The following RNGTT variants were observed in gnomAD, a reference collection of about 807,000 sequenced individuals.
RNGTT encodes the protein mRNA-capping enzyme.
Under a neutral mutation model 79.3 loss-of-function variants are expected in RNGTT, and 33 were observed. The ratio of observed to expected loss-of-function variants is 0.42; its 90% CI spans 0.32 to 0.56. RNGTT has a LOEUF of 0.56. Among genes scored for constraint, RNGTT ranks in the 20% least tolerant of loss-of-function variants. The pLI, the probability that RNGTT is intolerant of heterozygous loss-of-function variation, is 0.17. For synonymous variants in RNGTT, 222 were observed against 235.9 expected (o/e 0.94, Z 0.54); for missense variants, 497 against 739.1 (o/e 0.67, Z 3.80).
At chr6:88,724,469 GGT>G (rs1776817504) in intron 13 of RNGTT, among the ~76,000 whole-genome samples, 1 of 152,076 alleles carries the variant, frequency 6.6e-6, no homozygotes, top group South Asian at 2.1e-4. Flanking sequence ...ATATAGCCTA[GGT>G]GTGTGGTAGG....
chr6:88,650,317 C>T (rs1031543277), intron 14 of RNGTT, among the ~76,000 whole-genome samples: 1 of 152,128 alleles, frequency 6.6e-6, no homozygotes, highest in African/African-American at 2.4e-5. Context: ...CTTGATTATT[C>T]TCACAGTCAC....
At chr6:88,733,366 C>A (rs574366396) in intron 13 of RNGTT, among the ~76,000 whole-genome samples, 1 of 150,756 alleles carries the variant, frequency 6.6e-6, no homozygotes, top group Non-Finnish European at 1.5e-5. Flanking sequence ...CTTCACCCCC[C>A]ACCCCCCCTC....
At chr6:88,928,670 G>A (rs1437982495) in intron 4 of RNGTT, among the ~76,000 whole-genome samples, 1 of 151,860 alleles carries the variant, frequency 6.6e-6, no homozygotes, top group East Asian at 1.9e-4. Context: ...AAAGAATGAA[G>A]TTTCAGAATA....
chr6:88,725,429 T>C (rs1682610185), intron 13 of RNGTT, among the ~76,000 whole-genome samples: 1 of 152,238 alleles, frequency 6.6e-6, no homozygotes. Flanking sequence ...CATTCCTTGG[T>C]TAAGACATAC....
chr6:88,810,943 G>A (rs1418514528), intron 11 of RNGTT, among the ~76,000 whole-genome samples: 1 of 152,164 alleles, frequency 6.6e-6, no homozygotes, highest in Non-Finnish European at 1.5e-5. Context: ...AACAACATAA[G>A]CCTTGGCCAA....
intron 13 of RNGTT, among the ~76,000 whole-genome samples, chr6:88,731,733 A>T (rs1221424700): frequency 6.6e-6 from 1 of 152,204 alleles, no homozygotes; most frequent in East Asian, 1.9e-4. Flanking sequence ...TCAAGAATAC[A>T]GCTGACCTTT....
chr6:88,888,872 A>T (rs1328525514), intron 8 of RNGTT, among the ~76,000 whole-genome samples: 1 of 152,188 alleles, frequency 6.6e-6, no homozygotes, highest in African/African-American at 2.4e-5. Context: ...TCTACTAAAA[A>T]TACAAAATAA....
intron 11 of RNGTT, among the ~76,000 whole-genome samples, chr6:88,820,438 T>TA (rs149586539): frequency 0.092 from 14,074 of 152,186 alleles, 697 homozygotes; most frequent in African/African-American, 0.11. Context: ...TTCTAGCTAA[T>TA]AAAGTAAGAC....
intron 13 of RNGTT, among the ~76,000 whole-genome samples, chr6:88,684,095 G>C (rs1464991776): frequency 6.6e-6 from 1 of 152,076 alleles, no homozygotes; most frequent in East Asian, 1.9e-4. Context: ...CCTCACAAAA[G>C]AAGATATGCA....
chr6:88,720,061 A>G (rs181104875), intron 13 of RNGTT, among the ~76,000 whole-genome samples: 1 of 152,104 alleles, frequency 6.6e-6, no homozygotes. Context: ...GTTGAGCTCA[A>G]CTCCTAGTCT....
intron 14 of RNGTT, among the ~76,000 whole-genome samples, chr6:88,641,367 G>A (rs974287459): frequency 3.3e-5 from 5 of 150,932 alleles, no homozygotes; most frequent in Non-Finnish European, 7.4e-5. Flanking sequence ...AAATAACCAT[G>A]GTGAAGCTGA....
chr6:88,811,951 G>C (rs1780153526), intron 11 of RNGTT, among the ~76,000 whole-genome samples: 1 of 152,002 alleles, frequency 6.6e-6, no homozygotes, highest in South Asian at 2.1e-4. Flanking sequence ...GCACTCCCCT[G>C]GATACTAATC....
At chr6:88,617,033 G>T (rs796638461) in intron 14 of RNGTT, among the ~76,000 whole-genome samples, 13 of 152,352 alleles carry the variant, frequency 8.5e-5, no homozygotes, top group African/African-American at 3.1e-4. Context: ...AGCACTTTGG[G>T]AGGCCGAGGT....
intron 9 of RNGTT, among the ~76,000 whole-genome samples, chr6:88,850,113 G>T (rs1188704411): frequency 2.0e-5 from 3 of 151,896 alleles, no homozygotes; most frequent in Non-Finnish European, 1.5e-5. Flanking sequence ...ATTACTAAGT[G>T]ACAATTAAGG....
At chr6:88,686,016 T>G (rs1222348648) in intron 13 of RNGTT, among the ~76,000 whole-genome samples, 3 of 151,260 alleles carry the variant, frequency 2.0e-5, no homozygotes, top group Non-Finnish European at 4.4e-5. Context: ...AAACATAATA[T>G]ATATACATAT....
chr6:88,783,237 A>G (rs1255866932), intron 12 of RNGTT, among the ~76,000 whole-genome samples: 2 of 152,184 alleles, frequency 1.3e-5, no homozygotes, highest in African/African-American at 4.8e-5. Flanking sequence ...AATTTATGCC[A>G]TTTGTGGTAA....
At chr6:88,820,092 T>C (rs974400122) in intron 11 of RNGTT, among the ~76,000 whole-genome samples, 1 of 152,118 alleles carries the variant, frequency 6.6e-6, no homozygotes, top group Non-Finnish European at 1.5e-5. Context: ...ATTTAAGCCC[T>C]GAAATGCCAC....
At chr6:88,770,059 C>G (rs1057109009) in intron 12 of RNGTT, among the ~76,000 whole-genome samples, 185 bp from the exon 13 acceptor site, 5 of 152,126 alleles carry the variant, frequency 3.3e-5, no homozygotes, top group African/African-American at 1.2e-4. Flanking sequence ...TCTTTTCCTA[C>G]CAAAGACATG....
At chr6:88,936,078 C>T (rs1784655931) in intron 2 of RNGTT, among the ~76,000 whole-genome samples, 1 of 152,146 alleles carries the variant, frequency 6.6e-6, no homozygotes, top group Non-Finnish European at 1.5e-5. Flanking sequence ...CACCATTGTG[C>T]CTGGATAACT....
Sources: gnomAD v4.1 joint callset for allele counts (sites outside exome capture counted in the v4.1 genomes callset) on GRCh38, gnomAD v4.1.1 for gene constraint, MANE v1.5 for transcripts, NCBI Gene and HGNC (gene_info 2026-07-23, HGNC 2026-07-21) for gene names.